Variants in PCDH9 observed in about 807,000 individuals in gnomAD.
The protein encoded by PCDH9 is protocadherin 9, also known as protocadherin-9.
In PCDH9, 24 loss-of-function variants were observed where a neutral mutation model predicts 70.6. The ratio of observed to expected loss-of-function variants is 0.34; its 90% CI spans 0.25 to 0.48. PCDH9 has a LOEUF of 0.48. Ranked by LOEUF, PCDH9 falls within the 20% of genes least tolerant of loss-of-function variation. The pLI is 0.99. For synonymous variants in PCDH9, 562 were observed against 558.5 expected (o/e 1.01, Z -0.09); for missense variants, 1,281 against 1,503.6 (o/e 0.85, Z 2.45).
chr13:66,473,372 T>C (rs1002695055), intron 4 of PCDH9, among the ~76,000 whole-genome samples: 17 of 148,564 alleles, frequency 1.1e-4, no homozygotes, highest in African/African-American at 4.0e-4. Flanking sequence ...TTAATAACAA[T>C]AAAGCTATAT....
chr13:66,999,559 G>A (rs2084195952), intron 2 of PCDH9, among the ~76,000 whole-genome samples: 1 of 151,474 alleles, frequency 6.6e-6, no homozygotes. Context: ...TACAAAATGG[G>A]AGAAAATTTT....
chr13:67,035,679 T>C lies in PCDH9; in HGVS notation c.3037-132074A>G, dbSNP rs2084995431. ...AAGGCACCCAAGGTAAATGTGAACA[T>C]AAACGAACTTTTCTTGAGATCAAGG... On this transcript the variant is annotated intron_variant, in intron 2 of 4. Coordinates refer to ENST00000377865, the MANE Select transcript of PCDH9 (RefSeq NM_203487.3). 4.0e-5 allele frequency among the ~76,000 whole-genome samples: 6 copies of C among 151,638 alleles called. No individual in the cohort carries two copies. The South Asian group carries it at 1.2e-3, about 31-fold the overall frequency.
At chr13:66,521,416 A>T (rs1173038107) in intron 4 of PCDH9, among the ~76,000 whole-genome samples, 2 of 152,156 alleles carry the variant, frequency 1.3e-5, no homozygotes, top group African/African-American at 4.8e-5. Context: ...CACTCAAAAA[A>T]CAGTCACCAC....
chr13:67,000,382 A>G (rs982611920), intron 2 of PCDH9, among the ~76,000 whole-genome samples: 2 of 151,092 alleles, frequency 1.3e-5, no homozygotes, highest in African/African-American at 2.4e-5. Context: ...CCTAATGCTA[A>G]ATGACGAGTT....
intron 2 of PCDH9, among the ~76,000 whole-genome samples, chr13:67,152,469 A>T (rs936149746): frequency 2.0e-5 from 3 of 152,214 alleles, no homozygotes; most frequent in African/African-American, 7.2e-5. Flanking sequence ...TTTCAACAAC[A>T]GTAAATCAGT....
intron 3 of PCDH9, among the ~76,000 whole-genome samples, chr13:66,894,086 C>T (rs1277466652): frequency 6.6e-6 from 1 of 152,082 alleles, no homozygotes; most frequent in Non-Finnish European, 1.5e-5. Context: ...ATGGTTTTGG[C>T]CCCAGAATCT....
Position 67,176,120 on chromosome 13 carries a change from T to C in PCDH9, c.3036+49285A>G, listed in dbSNP as rs572080385. ...GCAAAGTTGGCCTCTGGCTAGCGAA[T>C]GTGTCCAACTGGGAAAACTAGTTTC... On this transcript the variant is annotated intron_variant, in intron 2 of 4. Coordinates refer to ENST00000377865, the MANE Select transcript of PCDH9 (RefSeq NM_203487.3). Among the ~76,000 whole-genome samples, 4 of 152,296 alleles carry C rather than the reference T, an allele frequency of 2.6e-5. No homozygotes were observed. In the East Asian group the frequency reaches 7.7e-4, roughly 29 times the overall value.
chr13:66,549,526 C>A (rs1961378640), intron 4 of PCDH9, among the ~76,000 whole-genome samples: 2 of 151,888 alleles, frequency 1.3e-5, no homozygotes, highest in Admixed American at 1.3e-4. Context: ...AAACTGTTCA[C>A]TTATTTTTTT....
At chr13:66,527,268 CA>C (rs59891757) in intron 4 of PCDH9, among the ~76,000 whole-genome samples, 26,673 of 137,122 alleles carry the variant, frequency 0.19, 2,511 homozygotes, top group Middle Eastern at 0.23. Flanking sequence ...GTTGTCAAAA[CA>C]AAAAAAAAAA....
chr13:67,124,769 C>T (rs149889109), intron 2 of PCDH9, among the ~76,000 whole-genome samples: 86 of 152,192 alleles, frequency 5.7e-4, no homozygotes, highest in African/African-American at 1.8e-3. Flanking sequence ...GAAGAGGAGA[C>T]AGGAAAACAA....
At chr13:66,358,703 TAA>T (rs1956423255) in intron 4 of PCDH9, among the ~76,000 whole-genome samples, 1 of 151,948 alleles carries the variant, frequency 6.6e-6, no homozygotes, top group Non-Finnish European at 1.5e-5. Context: ...CCACATAAAA[TAA>T]GTGTATTGTT....
At position 67,072,483 on chromosome 13, in the gene PCDH9, T is replaced by C. The variant is rs778791166; in HGVS notation, c.3036+152922A>G. ...TTCCTTGGGCCTTTGGGTCTTTATT[T>C]CTGAAGACTCCCATGTCATTAAATA... On this transcript the variant is annotated intron_variant, in intron 2 of 4. Transcript: ENST00000377865. 6.6e-5 allele frequency among the ~76,000 whole-genome samples: 10 copies of C among 152,292 alleles called. 1 individual carries two copies. The Middle Eastern group carries it at 0.01, about 155-fold the overall frequency.
At chr13:66,565,909 A>T (rs1445463551) in intron 4 of PCDH9, among the ~76,000 whole-genome samples, 1 of 152,184 alleles carries the variant, frequency 6.6e-6, no homozygotes, top group Non-Finnish European at 1.5e-5. Context: ...ATTTTAGAAA[A>T]TGATGGAAAG....
chr13:66,417,867 T>C (rs1463861371), intron 4 of PCDH9, among the ~76,000 whole-genome samples: 2 of 152,222 alleles, frequency 1.3e-5, no homozygotes, highest in South Asian at 2.1e-4. Flanking sequence ...GTGTTTTTCT[T>C]GTAAATTTGT....
At chr13:67,040,946 G>T (rs1594429196) in intron 2 of PCDH9, among the ~76,000 whole-genome samples, 1 of 152,012 alleles carries the variant, frequency 6.6e-6, no homozygotes, top group Admixed American at 6.6e-5. Flanking sequence ...ATGCCAGGAA[G>T]AAAACCAAAA....
chr13:66,844,515 G>A (rs1468559874), intron 3 of PCDH9, among the ~76,000 whole-genome samples: 1 of 151,716 alleles, frequency 6.6e-6, no homozygotes, highest in Non-Finnish European at 1.5e-5. Flanking sequence ...AACCTGGGAG[G>A]TGGAGGTTGC....
intron 3 of PCDH9, among the ~76,000 whole-genome samples, chr13:66,897,530 C>G (rs982742562): frequency 2.6e-5 from 4 of 151,994 alleles, no homozygotes; most frequent in Non-Finnish European, 5.9e-5. Flanking sequence ...TCAAATATGC[C>G]TGTTTTCATA....
chr13:66,799,135 G>C (rs966979742), intron 3 of PCDH9, among the ~76,000 whole-genome samples: 8 of 152,168 alleles, frequency 5.3e-5, no homozygotes, highest in African/African-American at 1.9e-4. Context: ...TCTTTATTAA[G>C]AGACTATTTT....
At chr13:66,503,650 A>G (rs1300626932) in intron 4 of PCDH9, among the ~76,000 whole-genome samples, 1 of 152,206 alleles carries the variant, frequency 6.6e-6, no homozygotes, top group Non-Finnish European at 1.5e-5. Context: ...AAAGAGAATG[A>G]TAAGAATATG....
Sources: allele counts gnomAD v4.1 joint callset (sites outside exome capture counted in the v4.1 genomes callset), GRCh38; gene constraint gnomAD v4.1.1; transcripts MANE v1.5; gene names NCBI Gene and HGNC (gene_info 2026-07-23, HGNC 2026-07-21).